Variants in LINGO2 observed in about 807,000 individuals in gnomAD.
The protein encoded by LINGO2 is leucine-rich repeat and immunoglobulin-like domain-containing nogo receptor-interacting protein 2.
LINGO2 carries 14 observed loss-of-function variants against 30.6 expected under a neutral mutation model. The observed-to-expected ratio is 0.46, with a 90% CI of 0.30 to 0.72. The LOEUF is 0.72. Among genes scored for constraint, LINGO2 ranks in the 30% least tolerant of loss-of-function variants. The pLI, the probability that LINGO2 is intolerant of heterozygous loss-of-function variation, is 0.07. For synonymous variants in LINGO2, 317 were observed against 288.5 expected (o/e 1.10, Z -1.00); for missense variants, 729 against 751.7 (o/e 0.97, Z 0.35).
At chr9:28,810,544 CAA>C in the LINGO2 span, among the ~76,000 whole-genome samples, 1 of 152,024 alleles carries the variant, frequency 6.6e-6, no homozygotes, top group East Asian at 1.9e-4. Flanking sequence ...TCAGATTCAT[CAA>C]GAGAGTGCTG....
At chr9:28,757,055 A>G in the LINGO2 span, among the ~76,000 whole-genome samples, 3 of 152,066 alleles carry the variant, frequency 2.0e-5, no homozygotes, top group Non-Finnish European at 4.4e-5. Flanking sequence ...AATGATGATG[A>G]TAATATTTTT....
At chr9:28,104,021 T>A (rs537832384) in intron 4 of LINGO2, among the ~76,000 whole-genome samples, 1 of 152,154 alleles carries the variant, frequency 6.6e-6, no homozygotes, top group East Asian at 1.9e-4. Context: ...TGTAACCTCT[T>A]TTTTCTATTA....
chr9:28,346,876 T>C (rs1819598745), intron 3 of LINGO2, among the ~76,000 whole-genome samples: 1 of 152,208 alleles, frequency 6.6e-6, no homozygotes, highest in South Asian at 2.1e-4. Context: ...TACTTTTTAA[T>C]AGAGTTGCTT....
intron 1 of LINGO2, among the ~76,000 whole-genome samples, chr9:28,482,361 T>G (rs1463383614): frequency 6.6e-6 from 1 of 152,194 alleles, no homozygotes; most frequent in African/African-American, 2.4e-5. Flanking sequence ...GATTTGCATT[T>G]CTCTGATGGC....
the LINGO2 span, among the ~76,000 whole-genome samples, chr9:28,974,270 G>C: frequency 6.6e-6 from 1 of 152,128 alleles, no homozygotes; most frequent in African/African-American, 2.4e-5. Context: ...GCTGGGCGTG[G>C]TGGCGGGCAC....
chr9:28,299,949 T>C (rs188919140), intron 3 of LINGO2, among the ~76,000 whole-genome samples: 1 of 152,198 alleles, frequency 6.6e-6, no homozygotes, highest in African/African-American at 2.4e-5. Flanking sequence ...TCCAAACAAC[T>C]TTATAGATTT....
chr9:28,600,772 A>G (rs1360395862), intron 1 of LINGO2, among the ~76,000 whole-genome samples: 2 of 152,118 alleles, frequency 1.3e-5, no homozygotes, highest in African/African-American at 4.8e-5. Context: ...TGAACTGCAT[A>G]GAGGCACGAG....
intron 2 of LINGO2, among the ~76,000 whole-genome samples, chr9:28,388,761 G>C (rs1311829050): frequency 6.6e-6 from 1 of 152,072 alleles, no homozygotes; most frequent in East Asian, 1.9e-4. Context: ...TTATCTGAAG[G>C]AATTCTTTGA....
chr9:28,876,585 A>G, the LINGO2 span, among the ~76,000 whole-genome samples: 1 of 152,084 alleles, frequency 6.6e-6, no homozygotes, highest in Non-Finnish European at 1.5e-5. Context: ...TGAGCTCATC[A>G]TTTTTTATGG....
At chr9:29,052,383 T>C in the LINGO2 span, among the ~76,000 whole-genome samples, 2 of 152,260 alleles carry the variant, frequency 1.3e-5, no homozygotes, top group East Asian at 3.9e-4. Flanking sequence ...TCATTTTACA[T>C]ATATAATAAA....
intron 4 of LINGO2, among the ~76,000 whole-genome samples, chr9:28,224,893 T>C (rs1055483378): frequency 5.9e-5 from 9 of 152,142 alleles, no homozygotes; most frequent in African/African-American, 1.9e-4. Flanking sequence ...TAAGCTATAG[T>C]ACAAAAACAG....
intron 2 of LINGO2, among the ~76,000 whole-genome samples, chr9:28,381,638 T>A (rs913476623): frequency 1.3e-5 from 2 of 152,094 alleles, no homozygotes; most frequent in African/African-American, 4.8e-5. Context: ...ATAAAGTTGC[T>A]CCATTATTCT....
the LINGO2 span, among the ~76,000 whole-genome samples, chr9:28,719,396 T>C: frequency 6.6e-6 from 1 of 151,970 alleles, no homozygotes; most frequent in Non-Finnish European, 1.5e-5. Context: ...TTTCTTCCCA[T>C]TCACTCCTCA....
the LINGO2 span, among the ~76,000 whole-genome samples, chr9:29,040,603 CA>C: frequency 1.1e-4 from 17 of 150,478 alleles, no homozygotes; most frequent in African/African-American, 3.9e-4. Context: ...ATATAATTTC[CA>C]AAAGGCTGAC....
chr9:28,443,320 G>T (rs1271929224), intron 2 of LINGO2, among the ~76,000 whole-genome samples: 1 of 152,218 alleles, frequency 6.6e-6, no homozygotes, highest in South Asian at 2.1e-4. Flanking sequence ...AACTGTTGTG[G>T]GGATGCCAGC....
the LINGO2 span, among the ~76,000 whole-genome samples, chr9:28,820,151 T>A: frequency 1.3e-5 from 2 of 151,286 alleles, no homozygotes; most frequent in Non-Finnish European, 2.9e-5. Context: ...GTGAAACCAG[T>A]AAGTAATATA....
At chr9:28,949,456 C>T in the LINGO2 span, among the ~76,000 whole-genome samples, 2 of 152,030 alleles carry the variant, frequency 1.3e-5, no homozygotes, top group African/African-American at 4.8e-5. Context: ...GAAATACAAA[C>T]TACCATCAGA....
At chr9:28,566,208 A>C (rs1383490963) in intron 1 of LINGO2, among the ~76,000 whole-genome samples, 2 of 152,148 alleles carry the variant, frequency 1.3e-5, no homozygotes, top group Non-Finnish European at 2.9e-5. Flanking sequence ...CAAAGGGGAC[A>C]ACCAAGTAAA....
intron 4 of LINGO2, among the ~76,000 whole-genome samples, chr9:28,044,969 A>T (rs1382486475): frequency 1.3e-5 from 2 of 152,110 alleles, no homozygotes; most frequent in African/African-American, 4.8e-5. Flanking sequence ...AGCAGAAAAC[A>T]GTTTTCCTGA....
Sources: allele counts gnomAD v4.1 joint callset (sites outside exome capture counted in the v4.1 genomes callset), GRCh38; gene constraint gnomAD v4.1.1; transcripts MANE v1.5; gene names NCBI Gene and HGNC (gene_info 2026-07-23, HGNC 2026-07-21).